The following ZMAT4 variants were observed in gnomAD, a reference collection of about 807,000 sequenced individuals.
ZMAT4 encodes the protein zinc finger matrin-type 4, also known as zinc finger matrin-type protein 4.
ZMAT4 carries 17 observed loss-of-function variants against 28.7 expected under a neutral mutation model. The ratio of observed to expected loss-of-function variants is 0.59; its 90% CI spans 0.41 to 0.89. The LOEUF is 0.89. ZMAT4 is among the 40% of genes least tolerant of loss of function. The pLI is 0.00. For synonymous variants in ZMAT4, 117 were observed against 109.2 expected (o/e 1.07, Z -0.44); for missense variants, 240 against 283.8 (o/e 0.85, Z 1.11).
At chr8:40,688,896 G>T (rs1320459691) in intron 4 of ZMAT4, among the ~76,000 whole-genome samples, 1 of 152,176 alleles carries the variant, frequency 6.6e-6, no homozygotes, top group East Asian at 1.9e-4. Flanking sequence ...CCCACCTCTG[G>T]GAGAGGATGA....
intron 3 of ZMAT4, among the ~76,000 whole-genome samples, chr8:40,750,270 T>C (rs1213579495): frequency 6.6e-6 from 1 of 152,158 alleles, no homozygotes; most frequent in Non-Finnish European, 1.5e-5. Context: ...AGCCAGAATG[T>C]AGTGAAGGAA....
At chr8:40,660,655 G>C (rs557405297) in intron 5 of ZMAT4, among the ~76,000 whole-genome samples, 7 of 152,130 alleles carry the variant, frequency 4.6e-5, no homozygotes, top group African/African-American at 1.7e-4. Flanking sequence ...GTCATACAAA[G>C]GTTTCAGATG....
At chr8:40,686,643 A>G (rs1809422911) in intron 4 of ZMAT4, among the ~76,000 whole-genome samples, 1 of 152,170 alleles carries the variant, frequency 6.6e-6, no homozygotes. Flanking sequence ...ATTAAAAAAA[A>G]GTAATAACAA....
At chr8:40,793,278 C>CA (rs1264755220) in intron 2 of ZMAT4, among the ~76,000 whole-genome samples, 9 of 152,042 alleles carry the variant, frequency 5.9e-5, no homozygotes, top group African/African-American at 2.2e-4. Context: ...AATACAGAAA[C>CA]AAAAAACAAA....
At chr8:40,838,517 A>AT (rs1053148477) in intron 1 of ZMAT4, among the ~76,000 whole-genome samples, 31 of 151,944 alleles carry the variant, frequency 2.0e-4, no homozygotes, top group South Asian at 1.2e-3. Flanking sequence ...TAACTTTTTG[A>AT]TTTTTTTAAG....
rs529924163 is a variant in ZMAT4, at chr8:40,693,857, G to T, written c.349+3388C>A. 4.6e-5 allele frequency among the ~76,000 whole-genome samples: 7 copies of T among 152,256 alleles called. No individual in the cohort carries two copies. The East Asian group carries it at 1.4e-3, about 29-fold the overall frequency. On this transcript the variant is annotated intron_variant, in intron 4 of 6. Coordinates refer to ENST00000297737, the MANE Select transcript of ZMAT4 (RefSeq NM_024645.3). Reference sequence around the variant, plus strand: ...ATGCTTGATCAAAGGGCAGCTGGAGGGGGTGGAAAGGTAGTGATTCACAGA... The same window carrying T: ...ATGCTTGATCAAAGGGCAGCTGGAGTGGGTGGAAAGGTAGTGATTCACAGA...
chr8:40,775,094 A>G (rs1813535918), intron 2 of ZMAT4, among the ~76,000 whole-genome samples: 1 of 152,206 alleles, frequency 6.6e-6, no homozygotes, highest in South Asian at 2.1e-4. Flanking sequence ...CCCAAAATCT[A>G]TCACAATGCC....
intron 3 of ZMAT4, among the ~76,000 whole-genome samples, chr8:40,722,904 A>C (rs1811163036): frequency 6.6e-6 from 1 of 152,080 alleles, no homozygotes; most frequent in African/African-American, 2.4e-5. Context: ...CCAACATACA[A>C]ATTCTCAACA....
chr8:40,749,470 C>A (rs895499051), intron 3 of ZMAT4, among the ~76,000 whole-genome samples: 1 of 152,200 alleles, frequency 6.6e-6, no homozygotes, highest in African/African-American at 2.4e-5. Flanking sequence ...TATGACCTCT[C>A]TTTTACATGA....
At chr8:40,877,252 C>A (rs1818072748) in intron 1 of ZMAT4, among the ~76,000 whole-genome samples, 1 of 152,198 alleles carries the variant, frequency 6.6e-6, no homozygotes, top group Non-Finnish European at 1.5e-5. Context: ...GCACCTTGAC[C>A]TTGAACTTCC....
At chr8:40,564,868 A>G (rs1803862023) in intron 6 of ZMAT4, among the ~76,000 whole-genome samples, 1 of 152,198 alleles carries the variant, frequency 6.6e-6, no homozygotes, top group Non-Finnish European at 1.5e-5. Flanking sequence ...CACAGGAATA[A>G]TCTTACTTCA....
chr8:40,689,320 G>C (rs1444381082), intron 4 of ZMAT4, among the ~76,000 whole-genome samples: 1 of 152,224 alleles, frequency 6.6e-6, no homozygotes, highest in Non-Finnish European at 1.5e-5. Flanking sequence ...AAGAGGGAGA[G>C]GGAGGATACT....
At chr8:40,825,828 A>G (rs1816016898) in intron 1 of ZMAT4, 148 bp from the exon 2 acceptor site, 1 of 601,924 alleles carries the variant, frequency 1.7e-6, no homozygotes, top group Admixed American at 2.9e-5. Context: ...ACGTTATCAT[A>G]TCGATTAACC....
chr8:40,760,762 G>GTCTCTCTCTCTTTC (rs1345035148), intron 3 of ZMAT4, among the ~76,000 whole-genome samples: 2 of 140,930 alleles, frequency 1.4e-5, no homozygotes, highest in Non-Finnish European at 3.1e-5. Flanking sequence ...CTCTGTCGCG[G>GTCTCTCTCTCTTTC]TCTCTCTCTC....
chr8:40,710,495 T>C (rs745600554), intron 3 of ZMAT4, among the ~76,000 whole-genome samples: 3 of 152,198 alleles, frequency 2.0e-5, no homozygotes, highest in Non-Finnish European at 4.4e-5. Context: ...TATATGTTTC[T>C]TAATTCTAAC....
intron 2 of ZMAT4, among the ~76,000 whole-genome samples, chr8:40,813,770 G>A (rs1198892299): frequency 6.6e-6 from 1 of 152,196 alleles, no homozygotes; most frequent in Non-Finnish European, 1.5e-5. Context: ...TCAATGGGAA[G>A]GATTTCTCGG....
At chr8:40,738,345 G>A (rs1411175193) in intron 3 of ZMAT4, among the ~76,000 whole-genome samples, 1 of 152,180 alleles carries the variant, frequency 6.6e-6, no homozygotes, top group Non-Finnish European at 1.5e-5. Context: ...CTGCCACAGA[G>A]CTCTGAGGTT....
rs575807165 is a variant in ZMAT4, at chr8:40,577,005, C to T, written c.674+4160G>A. Among the ~76,000 whole-genome samples, 15 of 152,064 alleles carry T rather than the reference C, an allele frequency of 9.9e-5. 1 individual carries two copies. The South Asian group carries it at 3.1e-3, about 32-fold the overall frequency. On this transcript the variant is annotated intron_variant, in intron 6 of 6. Transcript: ENST00000297737. ...GGTCAGGAGTTCAAGACCAGCCTGG[C>T]CAACATGGTGAAACCCTGTATCTAC...
chr8:40,726,446 T>C (rs1811320165), intron 3 of ZMAT4, among the ~76,000 whole-genome samples: 1 of 152,258 alleles, frequency 6.6e-6, no homozygotes, highest in African/African-American at 2.4e-5. Flanking sequence ...TCCTGACTTT[T>C]GGCCTTTCTG....
Sources: allele counts gnomAD v4.1 joint callset (sites outside exome capture counted in the v4.1 genomes callset), GRCh38; gene constraint gnomAD v4.1.1; transcripts MANE v1.5; gene names NCBI Gene and HGNC (gene_info 2026-07-23, HGNC 2026-07-21).